CTNND2: variants seen among roughly 807,000 people sequenced by gnomAD.
CTNND2 encodes the protein catenin delta 2, also known as catenin delta-2.
In CTNND2, 22 loss-of-function variants were observed where a neutral mutation model predicts 144.4. The ratio of observed to expected loss-of-function variants is 0.15; its 90% CI spans 0.11 to 0.22. The LOEUF (loss-of-function observed/expected upper bound fraction) is 0.22, where lower values mean the gene tolerates loss of function less well. CTNND2 is among the 10% of genes least tolerant of loss of function. The pLI, the probability that CTNND2 is intolerant of heterozygous loss-of-function variation, is 1.00. For synonymous variants in CTNND2, 751 were observed against 695.6 expected, an observed-to-expected ratio of 1.08 and a Z score of -1.25; for missense variants, 1,353 against 1,618.8, an observed-to-expected ratio of 0.84 and a Z score of 2.82.
intron 7 of CTNND2, among the ~76,000 whole-genome samples, chr5:11,367,868 C>G (rs1757123685): frequency 6.6e-6 from 1 of 152,216 alleles, no homozygotes; most frequent in African/African-American, 2.4e-5. Context: ...CCATGACAGA[C>G]ATAATGTCAT....
At chr5:11,054,086 G>C (rs533857964) in intron 16 of CTNND2, among the ~76,000 whole-genome samples, 4 of 152,270 alleles carry the variant, frequency 2.6e-5, no homozygotes, top group Non-Finnish European at 4.4e-5. Flanking sequence ...CTTTTTCACA[G>C]AACAGAGGTG....
At position 11,046,766 on chromosome 5, in the gene CTNND2, C is replaced by T. The variant is rs372485525; in HGVS notation, c.2789-23787G>A. Reference sequence around the variant, plus strand: ...AAATAAAAATGATGCTTCAGTTAATCACATTGGCTGCCATCATCACTGTCA... The same window carrying T: ...AAATAAAAATGATGCTTCAGTTAATTACATTGGCTGCCATCATCACTGTCA... On this transcript the variant is annotated intron_variant, in intron 16 of 21. Transcript: ENST00000304623. 8.5e-5 allele frequency among the ~76,000 whole-genome samples: 13 copies of T among 152,302 alleles called. No homozygotes were observed. In the East Asian group the frequency reaches 1.9e-3, roughly 23 times the overall value.
chr5:11,078,956 T>C (rs1361852978), intron 16 of CTNND2, among the ~76,000 whole-genome samples: 1 of 152,220 alleles, frequency 6.6e-6, no homozygotes, highest in Non-Finnish European at 1.5e-5. Context: ...GTGAATCTGT[T>C]AGACACAGAT....
In CTNND2 at chr5:11,384,614, G is replaced by C; in HGVS notation, c.1177+51C>G. The C allele has an allele frequency of 6.6e-7, 1 of 1,523,538 alleles. No homozygotes were observed. Among genetic ancestry groups the C allele is most frequent in the Non-Finnish European group, 8.8e-7 (1 of 1,135,854 alleles). 94.4% of individuals were successfully genotyped at this position (1,523,538 alleles called of 1,614,324 possible). On this transcript the variant is annotated intron_variant, in intron 7 of 21. Coordinates refer to ENST00000304623, the MANE Select transcript of CTNND2 (RefSeq NM_001332.4). This position sits in a 1 kb window ranked among gnomAD's most constrained non-coding sequence, Gnocchi z 5.2. ...GCTCAAGCCGGGCTGCTGCTTCCGC[G>C]TCCCCGCCACGCGCCCAGGTGAGTC...
intron 2 of CTNND2, chr5:11,588,659 A>G: frequency 1.4e-6 from 1 of 696,148 alleles, no homozygotes; most frequent in Non-Finnish European, 1.8e-6. Flanking sequence ...TTTAGTTAAA[A>G]TTATCACAAA....
Position 11,384,555 on chromosome 5 carries a change from C to T in CTNND2, c.1177+110G>A, listed in dbSNP as rs1758843474. The stretch of plus-strand genomic sequence containing the variant: ...CGTTCTCTGTCTCCTGCAACTACTA[C>T]AACCTGGCAGACAGCGCGCCCGGCT... On this transcript the variant is annotated intron_variant, in intron 7 of 21. Transcript: ENST00000304623. The surrounding 1 kb of genome is among the most constrained non-coding windows in gnomAD (Gnocchi z 5.2). 6 of 1,003,506 alleles carry T rather than the reference C, an allele frequency of 6.0e-6. No individual in the cohort carries two copies. The highest frequency in any genetic ancestry group is 5.0e-5 in the South Asian group (3 of 60,276). 62.2% of individuals were successfully genotyped at this position (1,003,506 alleles called of 1,614,324 possible). A position where few individuals can be genotyped will look rare whatever the true frequency, so the allele number is the denominator to read the frequency against.
intron 9 of CTNND2, among the ~76,000 whole-genome samples, chr5:11,344,317 G>A (rs1294566076): frequency 5.3e-5 from 8 of 151,978 alleles, no homozygotes; most frequent in African/African-American, 7.2e-5. Context: ...GTGTGAACCC[G>A]GAAGGCGGAG....
At chr5:11,034,853 CT>C (rs201756923) in intron 16 of CTNND2, among the ~76,000 whole-genome samples, 16 of 150,824 alleles carry the variant, frequency 1.1e-4, no homozygotes, top group Admixed American at 3.3e-4. Flanking sequence ...GTCTGTTGAT[CT>C]TTTTTTTGCC....
intron 1 of CTNND2, among the ~76,000 whole-genome samples, chr5:11,753,569 C>G (rs1581826775): frequency 1.3e-5 from 2 of 151,576 alleles, no homozygotes; most frequent in Non-Finnish European, 3.0e-5. Context: ...GGATTTGGTT[C>G]GTTTGAAATT....
intron 17 of CTNND2, among the ~76,000 whole-genome samples, chr5:11,021,765 A>G (rs754315605): frequency 6.6e-6 from 1 of 152,116 alleles, no homozygotes; most frequent in African/African-American, 2.4e-5. Context: ...TGCGTCCCTC[A>G]AAGTGTTTAA....
chr5:11,400,560 G>T (rs535148341), intron 5 of CTNND2, among the ~76,000 whole-genome samples: 1 of 152,158 alleles, frequency 6.6e-6, no homozygotes, highest in African/African-American at 2.4e-5. Flanking sequence ...CTCATACATT[G>T]ATGATGCTTA....
rs1357722920 is a variant in CTNND2, at chr5:10,992,591, G to A, written c.3171C>T (p.Pro1057=). 6.2e-7 allele frequency: 1 copy of A among 1,614,112 alleles called. No individual in the cohort carries two copies. Among genetic ancestry groups the A allele is most frequent in the African/African-American group, 1.3e-5 (1 of 75,032 alleles). Residue 1057 remains proline, a synonymous_variant, in exon 19 of 22, where the codon CCC becomes CCT. Transcript: ENST00000304623. The part of the protein sequence containing the change: ...RQRPYSSSRT[P]SISPVRVSPN... Reference sequence around the variant, plus strand: ...GAGACACGCGCACAGGGGAGATGGAGGGCGTGCGGGAGGAGGAGTAGGGCC... The same window carrying A: ...GAGACACGCGCACAGGGGAGATGGAAGGCGTGCGGGAGGAGGAGTAGGGCC...
chr5:11,755,641 C>CTTTTTTT (rs377766540), intron 1 of CTNND2, among the ~76,000 whole-genome samples: 1 of 140,202 alleles, frequency 7.1e-6, no homozygotes, highest in Non-Finnish European at 1.5e-5. Flanking sequence ...GTTCATTCTT[C>CTTTTTTT]TTTTTTTTTT....
intron 2 of CTNND2, among the ~76,000 whole-genome samples, chr5:11,731,736 G>C (rs1439594847): frequency 1.3e-5 from 2 of 152,074 alleles, no homozygotes; most frequent in Admixed American, 1.3e-4. Flanking sequence ...TGACTTTGAT[G>C]TGATATTCAT....
chr5:11,035,683 G>T (rs1192378265), intron 16 of CTNND2, among the ~76,000 whole-genome samples: 1 of 152,164 alleles, frequency 6.6e-6, no homozygotes, highest in South Asian at 2.1e-4. Flanking sequence ...GTAAGATAAT[G>T]GAATGCATTT....
intron 2 of CTNND2, among the ~76,000 whole-genome samples, chr5:11,710,745 C>T (rs1397753433): frequency 6.6e-6 from 1 of 152,112 alleles, no homozygotes; most frequent in Non-Finnish European, 1.5e-5. Context: ...GCCTTCACAG[C>T]AGTTACAGCT....
intron 18 of CTNND2, among the ~76,000 whole-genome samples, 191 bp from the exon 19 acceptor site, chr5:10,992,868 AG>A (rs1355016591): frequency 6.6e-6 from 1 of 152,178 alleles, no homozygotes; most frequent in Non-Finnish European, 1.5e-5. Context: ...CCTTCCCTCC[AG>A]AGAGCCTGGC....
intron 3 of CTNND2, among the ~76,000 whole-genome samples, chr5:11,443,439 GGTGT>G (rs1764523622): frequency 6.7e-6 from 1 of 148,428 alleles, no homozygotes. Flanking sequence ...TGGGGTGTGT[GGTGT>G]GTGTATGTCT....
chr5:11,683,423 T>C (rs1364608993), intron 2 of CTNND2, among the ~76,000 whole-genome samples: 3 of 152,230 alleles, frequency 2.0e-5, no homozygotes, highest in Admixed American at 6.5e-5. Context: ...CCTCAATTCA[T>C]AGTCCATAAT....
Sources: allele counts gnomAD v4.1 joint callset (sites outside exome capture counted in the v4.1 genomes callset), GRCh38; gene constraint gnomAD v4.1.1; non-coding constraint Gnocchi (gnomAD v3.1); transcripts MANE v1.5; gene names NCBI Gene and HGNC (gene_info 2026-07-23, HGNC 2026-07-21).